The following BCKDHB variants were observed in gnomAD, a reference collection of about 807,000 sequenced individuals.
BCKDHB encodes the protein branched chain keto acid dehydrogenase E1 subunit beta, also known as 2-oxoisovalerate dehydrogenase subunit beta, mitochondrial.
BCKDHB carries 41 observed loss-of-function variants against 48.5 expected under a neutral mutation model. The ratio of observed to expected loss-of-function variants is 0.85; its 90% CI spans 0.66 to 1.10. BCKDHB has a LOEUF of 1.10. Ranked by LOEUF, BCKDHB falls within the 50% of genes least tolerant of loss-of-function variation. The probability of loss-of-function intolerance (pLI) is 0.00; values close to 1 mark genes in which losing one functional copy is unlikely to be tolerated. For missense variants in BCKDHB, 496 were observed against 494.2 expected (o/e 1.00, Z -0.03); for synonymous variants, 201 against 174.8 (o/e 1.15, Z -1.18).
chr6:80,395,150 T>C, the BCKDHB span, among the ~76,000 whole-genome samples: 1 of 152,094 alleles, frequency 6.6e-6, no homozygotes, highest in Non-Finnish European at 1.5e-5. Flanking sequence ...GCACCAGGTG[T>C]GGGGTGCTGC....
chr6:80,121,139 T>C (rs1769994488), intron 1 of BCKDHB, among the ~76,000 whole-genome samples: 1 of 152,046 alleles, frequency 6.6e-6, no homozygotes, highest in African/African-American at 2.4e-5. Context: ...CCATTTCTTA[T>C]TTTTGTCAGG....
intron 9 of BCKDHB, among the ~76,000 whole-genome samples, chr6:80,288,025 G>A (rs1423197107): frequency 6.6e-6 from 1 of 152,026 alleles, no homozygotes; most frequent in African/African-American, 2.4e-5. Flanking sequence ...CTTACAATTT[G>A]TTGTGTTGGA....
chr6:80,273,692 A>G (rs1013933062), intron 9 of BCKDHB, among the ~76,000 whole-genome samples: 6 of 152,058 alleles, frequency 3.9e-5, no homozygotes, highest in East Asian at 1.9e-4. Context: ...TTAATAAGTA[A>G]TTTTGAAAAT....
intron 5 of BCKDHB, among the ~76,000 whole-genome samples, chr6:80,169,483 G>A (rs1772782109): frequency 6.6e-6 from 1 of 152,106 alleles, no homozygotes; most frequent in African/African-American, 2.4e-5. Context: ...AAAAGACTAA[G>A]AGAAGACTGT....
chr6:80,218,871 A>G (rs1052937761), intron 8 of BCKDHB, among the ~76,000 whole-genome samples: 6 of 152,246 alleles, frequency 3.9e-5, no homozygotes, highest in African/African-American at 1.4e-4. Flanking sequence ...GTTGAAAAGC[A>G]GTACACACTG....
chr6:80,349,693 C>A (rs77683969), downstream of BCKDHB, among the ~76,000 whole-genome samples: 1 of 151,814 alleles, frequency 6.6e-6, no homozygotes, highest in Non-Finnish European at 1.5e-5. Context: ...AATATGCATT[C>A]GAAATTGACA....
At chr6:80,199,776 A>C (rs1211732366) in intron 6 of BCKDHB, among the ~76,000 whole-genome samples, 4 of 143,976 alleles carry the variant, frequency 2.8e-5, no homozygotes, top group Non-Finnish European at 6.1e-5. Context: ...TGTCTCAAAA[A>C]AAAAAAAAAA....
intron 9 of BCKDHB, among the ~76,000 whole-genome samples, chr6:80,276,951 G>A (rs1777990946): frequency 6.6e-6 from 1 of 152,112 alleles, no homozygotes; most frequent in East Asian, 1.9e-4. Context: ...GGAAGGCAGA[G>A]CAAGCTGAGG....
the BCKDHB span, among the ~76,000 whole-genome samples, chr6:80,360,634 G>A: frequency 2.6e-5 from 4 of 151,988 alleles, no homozygotes; most frequent in Non-Finnish European, 4.4e-5. Flanking sequence ...TCATTGTGAG[G>A]ACCCCAAATC....
chr6:80,388,608 G>C, the BCKDHB span, among the ~76,000 whole-genome samples: 2 of 152,168 alleles, frequency 1.3e-5, no homozygotes, highest in African/African-American at 4.8e-5. Flanking sequence ...GGGTCAAGCA[G>C]CTCCTGAAGG....
At chr6:80,376,494 C>T in the BCKDHB span, among the ~76,000 whole-genome samples, 1 of 152,324 alleles carries the variant, frequency 6.6e-6, no homozygotes, top group East Asian at 1.9e-4. Flanking sequence ...CCCATGGAAC[C>T]TGCAATGGCA....
intron 8 of BCKDHB, among the ~76,000 whole-genome samples, chr6:80,209,598 A>T (rs1171223528): frequency 3.9e-5 from 6 of 152,052 alleles, no homozygotes; most frequent in Admixed American, 3.9e-4. Context: ...AGTTTTCTCA[A>T]TAGAGGATGT....
chr6:80,250,312 T>C (rs1776785217), intron 8 of BCKDHB, among the ~76,000 whole-genome samples: 1 of 152,164 alleles, frequency 6.6e-6, no homozygotes, highest in South Asian at 2.1e-4. Flanking sequence ...GTATTAAATA[T>C]TTTATATGAC....
chr6:80,141,947 G>T (rs1222891669), intron 3 of BCKDHB, among the ~76,000 whole-genome samples: 1 of 152,016 alleles, frequency 6.6e-6, no homozygotes, highest in East Asian at 1.9e-4. Flanking sequence ...TTTAACAGGG[G>T]GAGGAACCCA....
chr6:80,401,071 G>A, the BCKDHB span, among the ~76,000 whole-genome samples: 1 of 147,370 alleles, frequency 6.8e-6, no homozygotes, highest in Middle Eastern at 3.3e-3. Context: ...GAAGGGTGAA[G>A]GGTGGGAAGA....
chr6:80,113,481 C>T (rs1412844789), intron 1 of BCKDHB, among the ~76,000 whole-genome samples: 1 of 152,236 alleles, frequency 6.6e-6, no homozygotes, highest in Non-Finnish European at 1.5e-5. Context: ...TGGCCCCGGC[C>T]AGAAACCTGC....
At chr6:80,261,889 C>G (rs1441401392) in intron 8 of BCKDHB, among the ~76,000 whole-genome samples, 1 of 152,002 alleles carries the variant, frequency 6.6e-6, no homozygotes, top group Non-Finnish European at 1.5e-5. Flanking sequence ...TGTTTTGCTT[C>G]CTTTACTAAT....
the BCKDHB span, among the ~76,000 whole-genome samples, chr6:80,406,393 A>T: frequency 6.6e-6 from 1 of 152,206 alleles, no homozygotes. Flanking sequence ...GCTGTCTCAA[A>T]TGGTATTTCT....
intron 3 of BCKDHB, among the ~76,000 whole-genome samples, chr6:80,154,331 C>T (rs1771933549): frequency 6.6e-6 from 1 of 152,090 alleles, no homozygotes; most frequent in African/African-American, 2.4e-5. Flanking sequence ...ATATTTTTTA[C>T]TGGGTCAGAA....
Sources: gnomAD v4.1 joint callset for allele counts (sites outside exome capture counted in the v4.1 genomes callset) on GRCh38, gnomAD v4.1.1 for gene constraint, MANE v1.5 for transcripts, NCBI Gene and HGNC (gene_info 2026-07-23, HGNC 2026-07-21) for gene names.